Variants in TBC1D32 observed in about 807,000 individuals in gnomAD.
TBC1D32 encodes protein broad-minded.
A neutral mutation model predicts 170.3 loss-of-function variants in TBC1D32; 151 were observed. The observed-to-expected ratio is 0.89, with a 90% CI of 0.78 to 1.01. TBC1D32 has a LOEUF of 1.01. Among genes scored for constraint, TBC1D32 ranks in the 50% least tolerant of loss-of-function variants. The pLI, the probability that TBC1D32 is intolerant of heterozygous loss-of-function variation, is 0.00. For synonymous variants in TBC1D32, 498 were observed against 488.0 expected (o/e 1.02, Z -0.27); for missense variants, 1,464 against 1,457.1 (o/e 1.00, Z -0.08).
intron 31 of TBC1D32, 114 bp downstream of exon 31, chr6:121,090,739 A>G: frequency 1.1e-6 from 1 of 899,116 alleles, no homozygotes; most frequent in Non-Finnish European, 1.7e-6. Context: ...AATAGTATCT[A>G]CCTCTCACCA....
intron 20 of TBC1D32, chr6:121,237,096 C>A (rs890785933): frequency 1.9e-4 from 29 of 151,866 alleles, no homozygotes; most frequent in African/African-American, 7.0e-4. Flanking sequence ...ATTTTCTTAG[C>A]CTTTGTTTAT....
rs148955970 is a variant in TBC1D32, at chr6:121,179,524, T to C, written c.2571-18468A>G. On this transcript the variant is annotated intron_variant, in intron 22 of 31. Transcript: ENST00000398212. ...TAATATTACAGATGATAATACACAA[T>C]ATAAAAAGGACAGGATCTATATGAA... Among the ~76,000 whole-genome samples the C allele has an allele frequency of 2.1e-3, 313 of 151,778 alleles. 1 individual carries two copies. Among genetic ancestry groups the C allele is most frequent in the African/African-American group, 7.3e-3 (302 of 41,416 alleles).
chr6:121,249,248 A>G (rs1797996747), intron 17 of TBC1D32, among the ~76,000 whole-genome samples: 1 of 151,752 alleles, frequency 6.6e-6, no homozygotes, highest in South Asian at 2.1e-4. Context: ...CAAAAAAAGC[A>G]TGTGATAAAA....
intron 24 of TBC1D32, among the ~76,000 whole-genome samples, chr6:121,159,243 A>G (rs945469832): frequency 3.3e-5 from 5 of 152,190 alleles, no homozygotes; most frequent in Admixed American, 2.6e-4. Flanking sequence ...AATTATTTGA[A>G]TGCATTCTGT....
At chr6:121,307,319 T>C (rs1807478422) in intron 5 of TBC1D32, among the ~76,000 whole-genome samples, 1 of 152,122 alleles carries the variant, frequency 6.6e-6, no homozygotes, top group Non-Finnish European at 1.5e-5. Context: ...GAGGCTGAAG[T>C]GAGCTGTGAT....
At chr6:121,185,006 T>C (rs1244998828) in intron 22 of TBC1D32, among the ~76,000 whole-genome samples, 1 of 151,836 alleles carries the variant, frequency 6.6e-6, no homozygotes. Context: ...CAGAGGACCA[T>C]GTATATACTT....
intron 22 of TBC1D32, among the ~76,000 whole-genome samples, chr6:121,195,085 G>A (rs1403349561): frequency 6.6e-6 from 1 of 152,176 alleles, no homozygotes; most frequent in African/African-American, 2.4e-5. Context: ...GGGCCTATTT[G>A]GATTTCGGAG....
intron 22 of TBC1D32, among the ~76,000 whole-genome samples, chr6:121,203,219 G>T (rs1418973182): frequency 2.0e-5 from 3 of 151,192 alleles, no homozygotes; most frequent in African/African-American, 7.4e-5. Flanking sequence ...GAAATTAGTA[G>T]AAAAATGAAA....
chr6:121,182,833 T>A (rs1788704191), intron 22 of TBC1D32, among the ~76,000 whole-genome samples: 1 of 151,514 alleles, frequency 6.6e-6, no homozygotes, highest in Admixed American at 6.6e-5. Flanking sequence ...ATTTCACATA[T>A]AAAGCAGGCT....
At chr6:121,255,292 T>G in intron 17 of TBC1D32, 36 bp downstream of exon 17, 1 of 1,255,440 alleles carries the variant, frequency 8.0e-7, no homozygotes, top group South Asian at 1.5e-5. Context: ...TTTCAGCAAA[T>G]ATAATAAATG....
intron 1 of TBC1D32, 114 bp downstream of exon 1, chr6:121,334,162 C>A: frequency 1.2e-6 from 1 of 804,730 alleles, no homozygotes; most frequent in Non-Finnish European, 1.9e-6. Flanking sequence ...AAAAAGTAAA[C>A]CTCCAAGTTG....
chr6:121,260,180 G>A (rs1445383077), intron 15 of TBC1D32, among the ~76,000 whole-genome samples: 2 of 152,098 alleles, frequency 1.3e-5, no homozygotes, highest in Non-Finnish European at 2.9e-5. Context: ...CCACTTTCTT[G>A]TATCGTTTCC....
chr6:121,308,136 A>T (rs1282125520), intron 4 of TBC1D32, 35 bp from the exon 5 acceptor site: 2 of 1,597,024 alleles, frequency 1.3e-6, no homozygotes, highest in Admixed American at 3.5e-5. Context: ...ATTAACACTC[A>T]GTCACTAAAA....
intron 22 of TBC1D32, among the ~76,000 whole-genome samples, chr6:121,189,930 A>G (rs1442017569): frequency 6.6e-6 from 1 of 151,980 alleles, no homozygotes; most frequent in Non-Finnish European, 1.5e-5. Context: ...GACAAGATAC[A>G]TTGTTTTGCT....
chr6:121,101,844 G>A (rs1778116203), intron 30 of TBC1D32, among the ~76,000 whole-genome samples: 1 of 152,160 alleles, frequency 6.6e-6, no homozygotes, highest in Non-Finnish European at 1.5e-5. Flanking sequence ...AAACCCCATT[G>A]TCTCAGCCCA....
chr6:121,159,583 C>T (rs1785347988), intron 24 of TBC1D32, among the ~76,000 whole-genome samples: 1 of 152,122 alleles, frequency 6.6e-6, no homozygotes, highest in Non-Finnish European at 1.5e-5. Context: ...GTAGAGTGAT[C>T]TTACACAAAC....
intron 31 of TBC1D32, among the ~76,000 whole-genome samples, chr6:121,085,736 T>C (rs1391244256): frequency 6.6e-6 from 1 of 152,054 alleles, no homozygotes. Flanking sequence ...AGAGTTTATA[T>C]AGTGTTTGTA....
chr6:121,184,044 T>C (rs2128277596), intron 22 of TBC1D32, among the ~76,000 whole-genome samples: 1 of 152,188 alleles, frequency 6.6e-6, no homozygotes, highest in East Asian at 1.9e-4. Flanking sequence ...AAAGACATCA[T>C]CAATATAAAA....
intron 21 of TBC1D32, among the ~76,000 whole-genome samples, chr6:121,219,575 G>A (rs926804441): frequency 6.6e-6 from 1 of 152,086 alleles, no homozygotes; most frequent in African/African-American, 2.4e-5. Context: ...TATTTTCACT[G>A]GATCCGTATA....
Sources: gnomAD v4.1 joint callset for allele counts (sites outside exome capture counted in the v4.1 genomes callset) on GRCh38, gnomAD v4.1.1 for gene constraint, MANE v1.5 for transcripts, NCBI Gene and HGNC (gene_info 2026-07-23, HGNC 2026-07-21) for gene names.